The following FAM227B variants were observed in gnomAD, a reference collection of about 807,000 sequenced individuals.
The protein encoded by FAM227B is family with sequence similarity 227 member B.
FAM227B carries 88 observed loss-of-function variants against 73.8 expected under a neutral mutation model. The observed-to-expected ratio is 1.19, with a 90% CI of 1.00 to 1.42. FAM227B has a LOEUF of 1.42. Ranked by LOEUF, FAM227B falls within the 40% of genes most tolerant of loss-of-function variation. FAM227B has a pLI of 0.00. For synonymous variants in FAM227B, 210 were observed against 190.5 expected, an observed-to-expected ratio of 1.10 and a Z score of -0.84; for missense variants, 632 against 590.9, an observed-to-expected ratio of 1.07 and a Z score of -0.72.
intron 11 of FAM227B, among the ~76,000 whole-genome samples, chr15:49,402,266 G>C (rs370404686): frequency 5.5e-4 from 84 of 152,212 alleles, no homozygotes; most frequent in South Asian, 1.7e-3. Context: ...TGCAGAGAAA[G>C]GGCTATTTGG....
intron 3 of FAM227B, among the ~76,000 whole-genome samples, chr15:49,602,325 A>T (rs904859161): frequency 5.3e-5 from 8 of 152,086 alleles, no homozygotes; most frequent in Middle Eastern, 6.8e-3. Context: ...TGTCTTTTGG[A>T]TATAAGCCAT....
intron 11 of FAM227B, among the ~76,000 whole-genome samples, chr15:49,474,064 A>G (rs1462311784): frequency 6.6e-6 from 1 of 152,172 alleles, no homozygotes; most frequent in East Asian, 1.9e-4. Flanking sequence ...CGAACTTTTT[A>G]TTATATTCAA....
intron 11 of FAM227B, among the ~76,000 whole-genome samples, chr15:49,430,412 C>T (rs1025419519): frequency 4.0e-5 from 6 of 151,832 alleles, no homozygotes; most frequent in African/African-American, 1.5e-4. Context: ...CTCATGGCCA[C>T]ACAACCAAGT....
chr15:49,336,685 G>C (rs576304510), intron 13 of FAM227B, among the ~76,000 whole-genome samples: 1 of 151,704 alleles, frequency 6.6e-6, no homozygotes, highest in East Asian at 1.9e-4. Flanking sequence ...TTTTTCCCTT[G>C]GTAAGTACTT....
intron 3 of FAM227B, among the ~76,000 whole-genome samples, chr15:49,591,090 G>A (rs2076526870): frequency 8.2e-6 from 1 of 122,074 alleles, no homozygotes; most frequent in South Asian, 2.7e-4. Context: ...CTGTCGCCCA[G>A]GTGGAGTGCA....
chr15:49,397,973 A>G, intron 11 of FAM227B, among the ~76,000 whole-genome samples: 1 of 152,226 alleles, frequency 6.6e-6, no homozygotes, highest in Non-Finnish European at 1.5e-5. Flanking sequence ...CATCATAATG[A>G]CAGGATCAAA....
At chr15:49,396,247 GA>G in intron 11 of FAM227B, 1 of 374,962 alleles carries the variant, frequency 2.7e-6, no homozygotes, top group South Asian at 1.9e-5. Flanking sequence ...ACGGCACCTG[GA>G]AAATCGTGTC....
chr15:49,365,396 G>A (rs1257023196), intron 13 of FAM227B: 1 of 1,129,702 alleles, frequency 8.9e-7, no homozygotes, highest in African/African-American at 1.5e-5. Flanking sequence ...CGAAGAACCA[G>A]TCTAAACATC....
intron 4 of FAM227B, 145 bp downstream of exon 4, chr15:49,589,631 G>T (rs755725460): frequency 3.3e-6 from 2 of 600,364 alleles, no homozygotes; most frequent in African/African-American, 3.8e-5. Context: ...AATAAGGACT[G>T]GCCAGGTGCA....
At chr15:49,487,375 C>T (rs1002363112) in intron 11 of FAM227B, 7 of 151,632 alleles carry the variant, frequency 4.6e-5, no homozygotes, top group Non-Finnish European at 1.0e-4. Context: ...ACAAAAGATA[C>T]TTTCAAAGCA....
chr15:49,577,377 T>A, intron 6 of FAM227B: 1 of 423,342 alleles, frequency 2.4e-6, no homozygotes, highest in Middle Eastern at 3.2e-4. Flanking sequence ...TCATATGTCA[T>A]ATCTAAAATA....
intron 11 of FAM227B, among the ~76,000 whole-genome samples, chr15:49,480,121 A>G (rs1025238722): frequency 2.0e-5 from 3 of 152,160 alleles, no homozygotes; most frequent in African/African-American, 7.2e-5. Flanking sequence ...GCTCTTCCCA[A>G]GCAATTGTCT....
intron 11 of FAM227B, among the ~76,000 whole-genome samples, chr15:49,414,837 A>G (rs1214006297): frequency 6.6e-6 from 1 of 152,192 alleles, no homozygotes; most frequent in Admixed American, 6.5e-5. Context: ...ATTAAAAACT[A>G]TCGAGGGAAA....
At chr15:49,599,447 C>T (rs1032369989) in intron 3 of FAM227B, among the ~76,000 whole-genome samples, 2 of 152,050 alleles carry the variant, frequency 1.3e-5, no homozygotes, top group East Asian at 3.9e-4. Context: ...TATTTCTGCT[C>T]TGATCTTTGT....
At chr15:49,467,787 G>A (rs2054394971) in intron 11 of FAM227B, among the ~76,000 whole-genome samples, 1 of 152,066 alleles carries the variant, frequency 6.6e-6, no homozygotes, top group Non-Finnish European at 1.5e-5. Flanking sequence ...TCTGATTCAG[G>A]GAATATATCT....
chr15:49,475,665 A>T (rs1294788507), intron 11 of FAM227B, among the ~76,000 whole-genome samples: 1 of 152,132 alleles, frequency 6.6e-6, no homozygotes, highest in Non-Finnish European at 1.5e-5. Context: ...CTTTGTAACA[A>T]TTCCCAAGAA....
At chr15:49,352,268 T>G (rs559264284) in intron 13 of FAM227B, among the ~76,000 whole-genome samples, 40 of 152,328 alleles carry the variant, frequency 2.6e-4, no homozygotes, top group Admixed American at 1.4e-3. Context: ...AGTCAAACTC[T>G]AATGGTTGAG....
intron 9 of FAM227B, among the ~76,000 whole-genome samples, chr15:49,544,194 T>C (rs1234666705): frequency 1.3e-5 from 2 of 152,176 alleles, no homozygotes; most frequent in Non-Finnish European, 2.9e-5. Context: ...GTTTTCCTTG[T>C]AGAGGTCTTT....
chr15:49,500,598 A>G (rs995003668), intron 11 of FAM227B, among the ~76,000 whole-genome samples: 3 of 152,264 alleles, frequency 2.0e-5, no homozygotes, highest in Non-Finnish European at 2.9e-5. Flanking sequence ...TAAAAAGACC[A>G]TAACAAGTGT....
Sources: gnomAD v4.1 joint callset for allele counts (sites outside exome capture counted in the v4.1 genomes callset) on GRCh38, gnomAD v4.1.1 for gene constraint, MANE v1.5 for transcripts, NCBI Gene and HGNC (gene_info 2026-07-23, HGNC 2026-07-21) for gene names.